NR2F6: variants seen among roughly 807,000 people sequenced by gnomAD.
The protein encoded by NR2F6 is nuclear receptor subfamily 2 group F member 6, also known as ERBA-related gene-2.
Under a neutral mutation model 26.5 loss-of-function variants are expected in NR2F6, and 16 were observed. That is an observed-to-expected ratio of 0.60 (90% confidence interval 0.41 to 0.92). NR2F6 has a LOEUF of 0.92. NR2F6 is among the 40% of genes least tolerant of loss of function. The pLI is 0.00. For missense variants in NR2F6, 536 were observed against 631.7 expected, an observed-to-expected ratio of 0.85 and a Z score of 1.62; for synonymous variants, 325 against 305.0, an observed-to-expected ratio of 1.07 and a Z score of -0.68.
At chr19:17,232,981 C>T (rs529830235) in intron 3 of NR2F6, among the ~76,000 whole-genome samples, 106 of 152,244 alleles carry the variant, frequency 7.0e-4, no homozygotes, top group African/African-American at 2.3e-3. Flanking sequence ...TATTCCGTCT[C>T]TACTAAAAAT....
intron 1 of NR2F6, 134 bp from the exon 2 acceptor site, chr19:17,240,899 A>T: frequency 1.3e-6 from 1 of 774,802 alleles, no homozygotes. Flanking sequence ...GTAGCCCCAA[A>T]GGGGTACAGG....
intron 2 of NR2F6, among the ~76,000 whole-genome samples, chr19:17,240,075 C>T (rs930884980): frequency 2.0e-5 from 3 of 152,144 alleles, no homozygotes; most frequent in African/African-American, 4.8e-5. Context: ...GCCCAGAATA[C>T]GCCCGTCCAC....
At chr19:17,237,387 C>T (rs1435051893) in intron 2 of NR2F6, among the ~76,000 whole-genome samples, 1 of 150,770 alleles carries the variant, frequency 6.6e-6, no homozygotes. Flanking sequence ...CTTTCCTTTC[C>T]TTTCTTCCTC....
In NR2F6 at chr19:17,240,663, G is replaced by A. The variant is rs369381590; in HGVS notation, c.373+8C>T. On this transcript the variant is annotated splice_region_variant and intron_variant, in intron 2 of 3. Coordinates refer to ENST00000291442, the MANE Select transcript of NR2F6 (RefSeq NM_005234.4). ...ATCGTCCCCAGTGTGTCCCCAGCAC[G>A]TACTCACCCTCCTTCCTCATGCCCA... 5.8e-5 allele frequency: 93 copies of A among 1,613,744 alleles called. No homozygotes were observed. The African/African-American group carries it at 1.1e-3, about 19-fold the overall frequency.
At chr19:17,234,259 A>C (rs947145299) in intron 3 of NR2F6, among the ~76,000 whole-genome samples, 41 of 152,130 alleles carry the variant, frequency 2.7e-4, no homozygotes, top group African/African-American at 9.9e-4. Context: ...GAAAACAATA[A>C]ATAAAGCCAT....
rs966007456 is a variant in NR2F6 at position 17,235,062 on chromosome 19, G to A, written c.940+437C>T. On this transcript the variant is annotated intron_variant, in intron 3 of 3. Transcript: ENST00000291442. This position sits in a 1 kb window ranked among gnomAD's most constrained non-coding sequence, Gnocchi z 5.0. ...ACCCTGGCTACCTGGAGGTTGCCCT[G>A]GGAGCCCAGTGGGGGCCTGAGGGGG... Among the ~76,000 whole-genome samples, 2 of 152,224 alleles carry A rather than the reference G, an allele frequency of 1.3e-5. No individual in the cohort carries two copies. Among genetic ancestry groups the A allele is most frequent in the African/African-American group, 4.8e-5 (2 of 41,462 alleles).
intron 3 of NR2F6, among the ~76,000 whole-genome samples, chr19:17,233,234 T>C (rs1177668515): frequency 6.6e-6 from 1 of 152,142 alleles, no homozygotes; most frequent in Non-Finnish European, 1.5e-5. Context: ...GGAGGATCTC[T>C]TGAGCCTAGG....
In NR2F6 at chr19:17,235,390, T is replaced by A; in HGVS notation, c.940+109A>T. On this transcript the variant is annotated intron_variant, in intron 3 of 3. Coordinates refer to ENST00000291442, the MANE Select transcript of NR2F6 (RefSeq NM_005234.4). The surrounding 1 kb of genome is among the most constrained non-coding windows in gnomAD (Gnocchi z 5.0). ...CACGGCGCGTGCAGGGCCCCAGGCC[T>A]AGGGAGCGAGCGGGGCGCTATGGGG... The A allele has an allele frequency of 6.7e-7, 1 of 1,491,876 alleles. No individual in the cohort carries two copies. 92.4% of individuals were successfully genotyped at this position (1,491,876 alleles called of 1,614,324 possible).
chr19:17,235,527 G>T lies in NR2F6; in HGVS notation c.912C>A (p.Cys304Ter). ...GCGTGAAGAGCGCGATGGCCTTGAG[G>T]CAGCCATACTCGGCCGAGTCGACCT... ...RLQVDSAEYGCLKAIALFTPD... is the reference protein window; with the variant it reads ...RLQVDSAEYG Residue 304 changes from cysteine to a stop codon, truncating the protein, a stop_gained, in exon 3 of 4, where the codon TGC becomes TGA. Transcript: ENST00000291442. LOFTEE classifies it high-confidence loss of function. This position sits in a 1 kb window ranked among gnomAD's most constrained non-coding sequence, Gnocchi z 5.0. 1 of 1,594,544 alleles carries T rather than the reference G, an allele frequency of 6.3e-7. No individual in the cohort carries two copies.
At chr19:17,242,919 C>T (rs1430222891) in intron 1 of NR2F6, among the ~76,000 whole-genome samples, 2 of 152,206 alleles carry the variant, frequency 1.3e-5, no homozygotes, top group East Asian at 1.9e-4. Flanking sequence ...AACTCAGCTT[C>T]CTCCCTGGGC....
At position 17,245,874 on chromosome 19, in the gene NR2F6, C is replaced by G. The variant is rs1338123475; in HGVS notation, c.-654G>C. On this transcript the variant is annotated 5_prime_UTR_variant, in exon 1 of 4. Coordinates refer to ENST00000291442, the MANE Select transcript of NR2F6 (RefSeq NM_005234.4). This position sits in a 1 kb window ranked among gnomAD's most constrained non-coding sequence, Gnocchi z 5.0. ...GGCCCAAGCCTCGCTCTCGCCGCCG[C>G]CACCGCCACCGACCCCGCGCGCCGG... 1.4e-5 allele frequency: 2 copies of G among 147,030 alleles called. No homozygotes were observed. Among genetic ancestry groups the G allele is most frequent in the East Asian group, 2.0e-4 (1 of 5,066 alleles). The allele number at this position is 147,030 out of a possible 1,614,324, so 9.1% of individuals were successfully genotyped here.
chr19:17,238,081 A>T (rs1298289261), intron 2 of NR2F6, among the ~76,000 whole-genome samples: 1 of 152,172 alleles, frequency 6.6e-6, no homozygotes, highest in Non-Finnish European at 1.5e-5. Context: ...TTAAGGCTGC[A>T]GTGAGCTATG....
Position 17,232,542 on chromosome 19 carries a change from T to C in NR2F6, c.1025A>G (p.Gln342Arg). The change falls in exon 4 of 4, where the codon CAG (glutamine) becomes CGG (arginine). Residue 342 changes from glutamine (Q) to arginine (R), a missense_variant. Gln to Arg is a conservative substitution (Grantham distance 43, BLOSUM62 1). Transcript: ENST00000291442. ...QVALTEYVRAQYPSQPQRFGR... is the reference protein window; with the variant it reads ...QVALTEYVRARYPSQPQRFGR... ...GAAGCGCTGGGGCTGGGACGGGTACTGCGCCCGCACATACTCGGTGAGGGC... is the reference window on the plus strand; with the variant it reads ...GAAGCGCTGGGGCTGGGACGGGTACCGCGCCCGCACATACTCGGTGAGGGC... The C allele has an allele frequency of 6.2e-7, 1 of 1,607,894 alleles. No homozygotes were observed. The highest frequency in any genetic ancestry group is 8.5e-7 in the Non-Finnish European group (1 of 1,177,042).
At chr19:17,239,298 CA>C (rs1187974135) in intron 2 of NR2F6, among the ~76,000 whole-genome samples, 2 of 151,768 alleles carry the variant, frequency 1.3e-5, no homozygotes, top group Admixed American at 1.3e-4. Flanking sequence ...GATGGCACCA[CA>C]GCACTCCAGC....
chr19:17,244,597 C>T (rs1218026394), intron 1 of NR2F6: 1 of 255,168 alleles, frequency 3.9e-6, no homozygotes, highest in Admixed American at 5.9e-5. Context: ...TCCCCGAGAA[C>T]GGGTGCCCTG....
At chr19:17,244,706 T>TG (rs1491307851) in intron 1 of NR2F6, among the ~76,000 whole-genome samples, 1 of 152,084 alleles carries the variant, frequency 6.6e-6, no homozygotes, top group Non-Finnish European at 1.5e-5. Context: ...AGCAAGTAAC[T>TG]GGGGCAAAAG....
In NR2F6 at chr19:17,245,276, CCT is replaced by C; in HGVS notation, c.-58_-57del. ...CACCGCGCTCTTCCCTCCGGGCACC[CCT>C]CTCGGCCCGGGGGACCCTACGCGGC... is the stretch of plus-strand genomic sequence containing the variant. On this transcript the variant is annotated 5_prime_UTR_variant, in exon 1 of 4. Transcript: ENST00000291442. The surrounding 1 kb of genome is among the most constrained non-coding windows in gnomAD (Gnocchi z 5.0). 1 of 1,198,072 alleles carries C rather than the reference CCT, an allele frequency of 8.3e-7. No homozygotes were observed. Among genetic ancestry groups the C allele is most frequent in the Admixed American group, 4.5e-5 (1 of 22,038 alleles). 74.2% of individuals were successfully genotyped at this position (1,198,072 alleles called of 1,614,324 possible). A position where few individuals can be genotyped will look rare whatever the true frequency, so the allele number is the denominator to read the frequency against.
intron 2 of NR2F6, 83 bp downstream of exon 2, chr19:17,240,588 G>A: frequency 2.1e-6 from 3 of 1,447,140 alleles, no homozygotes. Flanking sequence ...AAAGGGAGGG[G>A]AAAAAGGGGA....
intron 1 of NR2F6, among the ~76,000 whole-genome samples, chr19:17,242,613 G>T (rs533984616): frequency 6.6e-6 from 1 of 152,216 alleles, no homozygotes; most frequent in Non-Finnish European, 1.5e-5. Context: ...GAGCCCCTGG[G>T]AAGAGGCCCC....
Sources: gnomAD v4.1 joint callset for allele counts (sites outside exome capture counted in the v4.1 genomes callset) on GRCh38, gnomAD v4.1.1 for gene constraint, Gnocchi (gnomAD v3.1) non-coding constraint, MANE v1.5 for transcripts, NCBI Gene and HGNC (gene_info 2026-07-23, HGNC 2026-07-21) for gene names.